CCDC30: variants seen among roughly 807,000 people sequenced by gnomAD.
The protein encoded by CCDC30 is coiled-coil domain-containing protein 30.
In CCDC30, 70 loss-of-function variants were observed where a neutral mutation model predicts 100.2. The ratio of observed to expected loss-of-function variants is 0.70; its 90% CI spans 0.58 to 0.85. The LOEUF (loss-of-function observed/expected upper bound fraction) is 0.85, where lower values mean the gene tolerates loss of function less well. CCDC30 is among the 40% of genes least tolerant of loss of function. The probability of loss-of-function intolerance (pLI) is 0.00; values close to 1 mark genes in which losing one functional copy is unlikely to be tolerated. For synonymous variants in CCDC30, 233 were observed against 269.5 expected, an observed-to-expected ratio of 0.86 and a Z score of 1.33; for missense variants, 652 against 771.2, an observed-to-expected ratio of 0.85 and a Z score of 1.83.
chr1:42,597,644 G>GT (rs1242374613), intron 10 of CCDC30, among the ~76,000 whole-genome samples: 2 of 146,220 alleles, frequency 1.4e-5, no homozygotes, highest in Admixed American at 6.9e-5. Flanking sequence ...AAAAAAAAAA[G>GT]TTTTTTAATT....
At chr1:42,611,039 C>T in exon 11 of CCDC30, 1 of 1,613,014 alleles carries the variant, frequency 6.2e-7, no homozygotes, top group African/African-American at 1.3e-5. Flanking sequence ...GAGAAGGAAG[C>T]TCTACGTGAA....
At chr1:42,465,046 G>A (rs1034685260) in intron 1 of CCDC30, among the ~76,000 whole-genome samples, 1 of 152,204 alleles carries the variant, frequency 6.6e-6, no homozygotes, top group African/African-American at 2.4e-5. Context: ...ATTGTAAGGG[G>A]CTTTCCTTTC....
At chr1:42,644,165 T>A (rs1240657073) in intron 13 of CCDC30, among the ~76,000 whole-genome samples, 1 of 152,160 alleles carries the variant, frequency 6.6e-6, no homozygotes, top group Non-Finnish European at 1.5e-5. Flanking sequence ...GAGGAGTTTA[T>A]TAAGTATTAA....
intron 6 of CCDC30, among the ~76,000 whole-genome samples, chr1:42,510,951 C>A (rs1470194649): frequency 1.3e-5 from 2 of 151,960 alleles, no homozygotes; most frequent in Admixed American, 6.6e-5. Context: ...GCCACTTTTT[C>A]TTCAAAGTCT....
chr1:42,590,417 G>T (rs1646163133), intron 10 of CCDC30: 1 of 152,158 alleles, frequency 6.6e-6, no homozygotes, highest in African/African-American at 2.4e-5. Flanking sequence ...TGGGTAACAG[G>T]CAGAGATTGG....
chr1:42,632,760 C>CA (rs58023514), intron 11 of CCDC30, among the ~76,000 whole-genome samples: 24 of 142,714 alleles, frequency 1.7e-4, no homozygotes, highest in Non-Finnish European at 1.5e-4. Flanking sequence ...AACTCCATCT[C>CA]AAAAAAAAAA....
intron 7 of CCDC30, among the ~76,000 whole-genome samples, chr1:42,574,310 C>T (rs1645790610): frequency 6.6e-6 from 1 of 151,346 alleles, no homozygotes; most frequent in Non-Finnish European, 1.5e-5. Context: ...TCAAGTTCTT[C>T]TTTTTTTTGC....
intron 1 of CCDC30, among the ~76,000 whole-genome samples, chr1:42,478,338 G>C (rs1185021691): frequency 6.6e-6 from 1 of 152,170 alleles, no homozygotes; most frequent in African/African-American, 2.4e-5. Context: ...AAGATGAACT[G>C]ATTTATTAAT....
chr1:42,612,446 C>T (rs959212785), intron 11 of CCDC30, among the ~76,000 whole-genome samples: 2 of 152,232 alleles, frequency 1.3e-5, no homozygotes, highest in African/African-American at 4.8e-5. Flanking sequence ...TGGCTGGATG[C>T]ACTTCCTCCC....
In CCDC30 at chr1:42,521,859, T is replaced by C. The variant is rs536552316; in HGVS notation, c.456+22943T>C. Among the ~76,000 whole-genome samples the C allele has an allele frequency of 1.2e-4, 19 of 152,140 alleles. No individual in the cohort carries two copies. In the South Asian group the frequency reaches 3.9e-3, roughly 31 times the overall value. The stretch of plus-strand genomic sequence containing the variant: ...GAATGTTTATTTTGTCTGATATTAG[T>C]ATAGTGTAGTAATTTCCCTGTTCTA... On this transcript the variant is annotated intron_variant, in intron 6 of 16. Coordinates refer to ENST00000668663, the Ensembl canonical transcript of CCDC30.
At chr1:42,465,661 G>A (rs1643555212) in intron 1 of CCDC30, among the ~76,000 whole-genome samples, 3 of 152,138 alleles carry the variant, frequency 2.0e-5, no homozygotes, top group Non-Finnish European at 4.4e-5. Flanking sequence ...CACGGTACCC[G>A]ACCTCTAGCA....
chr1:42,601,173 G>T (rs1164008841), intron 10 of CCDC30, among the ~76,000 whole-genome samples: 1 of 152,270 alleles, frequency 6.6e-6, no homozygotes, highest in Non-Finnish European at 1.5e-5. Context: ...AGAAGAAATC[G>T]CAAGAGAAAT....
chr1:42,492,847 A>G (rs1307612980), intron 4 of CCDC30, among the ~76,000 whole-genome samples: 3 of 151,936 alleles, frequency 2.0e-5, no homozygotes, highest in Non-Finnish European at 4.4e-5. Flanking sequence ...GGGTTTCACC[A>G]TGTTGGCCAG....
At chr1:42,563,167 C>T (rs1178384795) in intron 6 of CCDC30, among the ~76,000 whole-genome samples, 1 of 152,148 alleles carries the variant, frequency 6.6e-6, no homozygotes, top group African/African-American at 2.4e-5. Flanking sequence ...ATGTTTATTG[C>T]AGCACTATTT....
At chr1:42,482,588 AT>A in intron 2 of CCDC30, 74 bp from the exon 3 acceptor site, 1 of 963,898 alleles carries the variant, frequency 1.0e-6, no homozygotes, top group Non-Finnish European at 1.3e-6. Flanking sequence ...GCTTTTAAAC[AT>A]TAATAGAAAA....
At chr1:42,540,904 T>G (rs749091281) in intron 6 of CCDC30, among the ~76,000 whole-genome samples, 16 of 152,206 alleles carry the variant, frequency 1.1e-4, no homozygotes, top group Non-Finnish European at 2.2e-4. Flanking sequence ...AGAGAATAAC[T>G]TTTTTCCTAG....
intron 12 of CCDC30, among the ~76,000 whole-genome samples, chr1:42,641,995 G>A (rs1327225609): frequency 6.6e-6 from 1 of 152,188 alleles, no homozygotes; most frequent in Non-Finnish European, 1.5e-5. Context: ...GGAGGCCAAG[G>A]TGGGCGGATC....
the CCDC30 span, chr1:42,456,250 C>T: frequency 1.7e-6 from 1 of 604,966 alleles, no homozygotes; most frequent in Non-Finnish European, 2.9e-6. Flanking sequence ...AGTCCAAGTC[C>T]AGAAAGGCCC....
chr1:42,480,713 G>C, intron 2 of CCDC30, 147 bp downstream of exon 2: 2 of 753,706 alleles, frequency 2.7e-6, no homozygotes, highest in Non-Finnish European at 3.2e-6. Flanking sequence ...CTGTGTAACA[G>C]TCTAAAAAAA....
Sources: gnomAD v4.1 joint callset for allele counts (sites outside exome capture counted in the v4.1 genomes callset) on GRCh38, gnomAD v4.1.1 for gene constraint, MANE v1.5 for transcripts, NCBI Gene and HGNC (gene_info 2026-07-23, HGNC 2026-07-21) for gene names.